SIL1: variants seen among roughly 807,000 people sequenced by gnomAD.
SIL1 encodes SIL1 nucleotide exchange factor.
SIL1 carries 40 observed loss-of-function variants against 49.1 expected under a neutral mutation model. That is an observed-to-expected ratio of 0.81 (90% CI 0.63 to 1.06). SIL1 has a LOEUF of 1.06. Among genes scored for constraint, SIL1 ranks in the 50% least tolerant of loss-of-function variants. The pLI, the probability that SIL1 is intolerant of heterozygous loss-of-function variation, is 0.00. For synonymous variants in SIL1, 253 were observed against 250.8 expected, an observed-to-expected ratio of 1.01 and a Z score of -0.08; for missense variants, 500 against 572.6, an observed-to-expected ratio of 0.87 and a Z score of 1.29.
rs1445975682 is a variant in SIL1, at chr5:139,148,463, GC to G, written c.-10-20611del. On this transcript the variant is annotated intron_variant, in intron 1 of 9. Transcript: ENST00000394817. ...ACAGTAGGCTCCATGGGGATGGCTT[GC>G]CAGCCAGCCTTCTCACCAAACCAGA... is the stretch of plus-strand genomic sequence containing the variant. Among the ~76,000 whole-genome samples the G allele has an allele frequency of 3.9e-5, 6 of 152,308 alleles. No individual in the cohort carries two copies. The East Asian group carries it at 1.2e-3, about 29-fold the overall frequency.
At chr5:138,952,370 G>C (rs1451466345) in intron 7 of SIL1, among the ~76,000 whole-genome samples, 2 of 152,208 alleles carry the variant, frequency 1.3e-5, no homozygotes, top group Non-Finnish European at 2.9e-5. Context: ...CCTCTCCTGG[G>C]TCGGCACTCA....
chr5:138,968,149 A>G (rs1580991252), intron 7 of SIL1, among the ~76,000 whole-genome samples: 2 of 152,198 alleles, frequency 1.3e-5, no homozygotes, highest in Admixed American at 6.5e-5. Flanking sequence ...ATGAGGAGGA[A>G]GAGTCAGCAT....
At chr5:139,109,375 C>T (rs1770793322) in intron 3 of SIL1, among the ~76,000 whole-genome samples, 2 of 152,172 alleles carry the variant, frequency 1.3e-5, no homozygotes, top group Admixed American at 1.3e-4. Context: ...GAATTAATCC[C>T]TAAGATCCAA....
chr5:138,953,151 G>A (rs1401231888), intron 7 of SIL1, among the ~76,000 whole-genome samples: 1 of 152,228 alleles, frequency 6.6e-6, no homozygotes, highest in Non-Finnish European at 1.5e-5. Flanking sequence ...GCCTGCCCTT[G>A]GCATGACCAC....
At chr5:139,021,680 A>G (rs1581036765) in intron 6 of SIL1, among the ~76,000 whole-genome samples, 1 of 152,220 alleles carries the variant, frequency 6.6e-6, no homozygotes, top group East Asian at 1.9e-4. Flanking sequence ...CTGATGTCCA[A>G]TCCCAATGGG....
chr5:139,025,994 C>T (rs923882339), intron 6 of SIL1, among the ~76,000 whole-genome samples: 6 of 152,182 alleles, frequency 3.9e-5, no homozygotes, highest in South Asian at 4.1e-4. Context: ...GTTTGCCATC[C>T]CCTGCTCTAG....
At chr5:138,985,203 A>C (rs1767625972) in intron 7 of SIL1, among the ~76,000 whole-genome samples, 1 of 152,226 alleles carries the variant, frequency 6.6e-6, no homozygotes, top group African/African-American at 2.4e-5. Context: ...CAGAGTTAAG[A>C]AATGCTGTCA....
intron 1 of SIL1, among the ~76,000 whole-genome samples, chr5:139,141,944 ACC>A (rs1412324362): frequency 5.3e-5 from 8 of 152,200 alleles, no homozygotes; most frequent in Non-Finnish European, 1.5e-5. Context: ...TGTTCAGCAA[ACC>A]CAAGATCAGA....
intron 7 of SIL1, among the ~76,000 whole-genome samples, chr5:139,002,008 C>T (rs9327835): frequency 0.43 from 65,089 of 151,684 alleles, 15,003 homozygotes; most frequent in African/African-American, 0.62. Context: ...CTCAGGAGTT[C>T]GAGACCAGCC....
At chr5:139,169,867 T>C (rs542681967) in intron 1 of SIL1, among the ~76,000 whole-genome samples, 3 of 150,732 alleles carry the variant, frequency 2.0e-5, no homozygotes, top group Non-Finnish European at 3.0e-5. Context: ...CTCTCCCTCT[T>C]TCCACGGTCT....
intron 3 of SIL1, among the ~76,000 whole-genome samples, chr5:139,055,655 G>GTCTCCC (rs1279978037): frequency 2.1e-5 from 1 of 47,090 alleles, no homozygotes; most frequent in Non-Finnish European, 4.1e-5. Flanking sequence ...TCTCCCCACG[G>GTCTCCC]TCTCCCTCTC....
chr5:138,987,804 C>T (rs1433480178), intron 7 of SIL1, among the ~76,000 whole-genome samples: 1 of 152,192 alleles, frequency 6.6e-6, no homozygotes, highest in Non-Finnish European at 1.5e-5. Flanking sequence ...CCTAACTTGT[C>T]AGCAGGTTTC....
At position 139,003,454 on chromosome 5, in the gene SIL1, T is replaced by C. The variant is rs764727334; in HGVS notation, c.767+17717A>G. ...ACGTCTTATGTGAGATAACACAGAC[T>C]CCCACCTTTCACACCAAATTTCACA... On this transcript the variant is annotated intron_variant, in intron 7 of 9. Transcript: ENST00000394817. Among the ~76,000 whole-genome samples, 4 of 152,178 alleles carry C rather than the reference T, an allele frequency of 2.6e-5. 1 individual carries two copies. Among genetic ancestry groups the C allele is most frequent in the Non-Finnish European group, 5.9e-5 (4 of 68,040 alleles).
At chr5:139,166,260 T>C (rs535141318) in intron 1 of SIL1, among the ~76,000 whole-genome samples, 4 of 152,236 alleles carry the variant, frequency 2.6e-5, no homozygotes, top group East Asian at 1.9e-4. Context: ...AGACCACTTA[T>C]ACGACAGTGG....
At chr5:139,137,510 C>A in intron 1 of SIL1, 1 of 514,568 alleles carries the variant, frequency 1.9e-6, no homozygotes. Flanking sequence ...CATTTTGTGT[C>A]AGGACAGAAA....
intron 7 of SIL1, among the ~76,000 whole-genome samples, chr5:138,987,082 ATTATT>A (rs58117206): frequency 0.091 from 12,323 of 135,374 alleles, 764 homozygotes; most frequent in African/African-American, 0.18. Context: ...TTTATGATAG[ATTATT>A]TTATTTTATT....
At chr5:139,134,121 TTTTG>T (rs2151798639) in intron 1 of SIL1, among the ~76,000 whole-genome samples, 1 of 152,250 alleles carries the variant, frequency 6.6e-6, no homozygotes, top group African/African-American at 2.4e-5. Context: ...TTATTAGTTG[TTTTG>T]TTTGTTTTCT....
chr5:138,982,114 A>G (rs1210477061), intron 7 of SIL1, among the ~76,000 whole-genome samples: 1 of 152,166 alleles, frequency 6.6e-6, no homozygotes, highest in Non-Finnish European at 1.5e-5. Context: ...ACTTTTTTCT[A>G]AATATTCTTC....
intron 4 of SIL1, among the ~76,000 whole-genome samples, chr5:139,047,261 A>G (rs1252558072): frequency 6.6e-6 from 1 of 152,224 alleles, no homozygotes; most frequent in Non-Finnish European, 1.5e-5. Context: ...ACCACTAGAG[A>G]TGGCAAAGCC....
Sources: allele counts gnomAD v4.1 joint callset (sites outside exome capture counted in the v4.1 genomes callset), GRCh38; gene constraint gnomAD v4.1.1; transcripts MANE v1.5; gene names NCBI Gene and HGNC (gene_info 2026-07-23, HGNC 2026-07-21).